Variants in NEGR1 observed in about 807,000 individuals in gnomAD.
NEGR1 encodes neuronal growth regulator 1.
A neutral mutation model predicts 40.9 loss-of-function variants in NEGR1; 10 were observed. The observed-to-expected ratio is 0.24, with a 90% CI of 0.15 to 0.42. The LOEUF (loss-of-function observed/expected upper bound fraction) is 0.42, where lower values mean the gene tolerates loss of function less well. Among genes scored for constraint, NEGR1 ranks in the 10% least tolerant of loss-of-function variants. The probability of loss-of-function intolerance (pLI) is 1.00; values close to 1 mark genes in which losing one functional copy is unlikely to be tolerated. For missense variants in NEGR1, 352 were observed against 438.9 expected, an observed-to-expected ratio of 0.80 and a Z score of 1.77; for synonymous variants, 185 against 166.8, an observed-to-expected ratio of 1.11 and a Z score of -0.84.
intron 6 of NEGR1, among the ~76,000 whole-genome samples, chr1:71,482,389 C>A (rs1377985201): frequency 2.0e-5 from 3 of 151,722 alleles, no homozygotes; most frequent in East Asian, 3.9e-4. Flanking sequence ...CAAAGTAGAA[C>A]AAACTGTTAG....
intron 6 of NEGR1, chr1:71,573,471 T>C (rs192979913): frequency 2.0e-5 from 3 of 152,436 alleles, no homozygotes; most frequent in Admixed American, 2.0e-4. Flanking sequence ...TTTACAAGTC[T>C]AACTACAGAG....
chr1:71,725,975 C>T (rs1427206774), intron 3 of NEGR1, among the ~76,000 whole-genome samples: 3 of 152,042 alleles, frequency 2.0e-5, no homozygotes, highest in Non-Finnish European at 4.4e-5. Context: ...AACAAAAATG[C>T]CATCCTCAAC....
At chr1:71,979,967 C>T (rs542856323) in intron 1 of NEGR1, among the ~76,000 whole-genome samples, 34 of 152,108 alleles carry the variant, frequency 2.2e-4, no homozygotes, top group African/African-American at 7.5e-4. Context: ...GATAGTGAAA[C>T]AAAACAAAAC....
chr1:72,032,032 A>ATT (rs1646862910), intron 1 of NEGR1, among the ~76,000 whole-genome samples: 1 of 152,198 alleles, frequency 6.6e-6, no homozygotes, highest in Non-Finnish European at 1.5e-5. Flanking sequence ...CGCTTACCCA[A>ATT]ACTCACAGAG....
At chr1:72,107,406 A>T (rs951537060) in intron 1 of NEGR1, among the ~76,000 whole-genome samples, 13 of 151,482 alleles carry the variant, frequency 8.6e-5, no homozygotes, top group Non-Finnish European at 1.8e-4. Flanking sequence ...AGATACATAA[A>T]TTTTTTTTCA....
chr1:71,659,304 A>G lies in NEGR1; in HGVS notation c.667+38704T>C, dbSNP rs186273793. 3.3e-5 allele frequency among the ~76,000 whole-genome samples: 5 copies of G among 152,270 alleles called. No homozygotes were observed. In the East Asian group the frequency reaches 5.8e-4, roughly 18 times the overall value. On this transcript the variant is annotated intron_variant, in intron 4 of 6. Coordinates refer to ENST00000357731, the MANE Select transcript of NEGR1 (RefSeq NM_173808.3). Reference sequence around the variant, plus strand: ...AACTCAGACCGCTCTTCAATAGCCAAATTGTGAGTACTGATGTTGAACTCC... The same window carrying G: ...AACTCAGACCGCTCTTCAATAGCCAGATTGTGAGTACTGATGTTGAACTCC...
At chr1:72,068,049 C>G (rs962718016) in intron 1 of NEGR1, among the ~76,000 whole-genome samples, 1 of 152,082 alleles carries the variant, frequency 6.6e-6, no homozygotes, top group Non-Finnish European at 1.5e-5. Flanking sequence ...AGTAGCTTCA[C>G]AAAATAAAAT....
chr1:72,217,523 G>C (rs1653862680), intron 1 of NEGR1, among the ~76,000 whole-genome samples: 1 of 151,560 alleles, frequency 6.6e-6, no homozygotes, highest in Non-Finnish European at 1.5e-5. Context: ...GTAGCAATGG[G>C]AAAAAACAGC....
At chr1:71,740,475 C>T (rs972674690) in intron 3 of NEGR1, among the ~76,000 whole-genome samples, 10 of 152,120 alleles carry the variant, frequency 6.6e-5, no homozygotes, top group Non-Finnish European at 1.0e-4. Context: ...ATTTTCCTAA[C>T]GAGACACTAT....
At chr1:71,476,709 A>G (rs1216834912) in intron 6 of NEGR1, among the ~76,000 whole-genome samples, 1 of 152,070 alleles carries the variant, frequency 6.6e-6, no homozygotes, top group Non-Finnish European at 1.5e-5. Context: ...CTCATCTGGC[A>G]ATACTCCAAG....
chr1:72,101,415 A>G (rs1226656933), intron 1 of NEGR1, among the ~76,000 whole-genome samples: 1 of 152,184 alleles, frequency 6.6e-6, no homozygotes, highest in Non-Finnish European at 1.5e-5. Context: ...ATATTGTTCA[A>G]TGGTAAATGT....
At chr1:72,101,603 GAA>G (rs1169395037) in intron 1 of NEGR1, among the ~76,000 whole-genome samples, 1 of 151,858 alleles carries the variant, frequency 6.6e-6, no homozygotes. Flanking sequence ...TTTATTTTCA[GAA>G]ACTCAGAAGA....
At chr1:72,097,762 A>C (rs1470615690) in intron 1 of NEGR1, among the ~76,000 whole-genome samples, 1 of 152,188 alleles carries the variant, frequency 6.6e-6, no homozygotes, top group East Asian at 1.9e-4. Flanking sequence ...AGTTTCTTGA[A>C]ATTAGACAAG....
chr1:71,618,217 C>G (rs191518326), intron 4 of NEGR1, among the ~76,000 whole-genome samples: 2 of 152,228 alleles, frequency 1.3e-5, no homozygotes, highest in Admixed American at 1.3e-4. Flanking sequence ...GCATTACTTC[C>G]TAATCACAAA....
At chr1:71,789,428 C>T (rs1657032884) in intron 2 of NEGR1, among the ~76,000 whole-genome samples, 1 of 152,082 alleles carries the variant, frequency 6.6e-6, no homozygotes, top group Non-Finnish European at 1.5e-5. Flanking sequence ...GTCTTTAACA[C>T]ATTCATTTAC....
intron 5 of NEGR1, among the ~76,000 whole-genome samples, chr1:71,601,403 A>T (rs929213760): frequency 4.6e-5 from 7 of 152,230 alleles, no homozygotes; most frequent in South Asian, 4.1e-4. Context: ...CATTTAAAAC[A>T]CTATGGAGAT....
At chr1:71,576,037 G>T (rs148398725) in intron 6 of NEGR1, among the ~76,000 whole-genome samples, 12 of 152,250 alleles carry the variant, frequency 7.9e-5, no homozygotes, top group African/African-American at 1.4e-4. Flanking sequence ...GTGCTTTCTT[G>T]ATATGTAGTC....
intron 1 of NEGR1, among the ~76,000 whole-genome samples, chr1:72,116,977 A>G (rs1044507110): frequency 6.6e-6 from 1 of 151,776 alleles, no homozygotes; most frequent in Non-Finnish European, 1.5e-5. Flanking sequence ...AATGTGTCTT[A>G]TCTGAGCTTA....
chr1:71,613,298 T>C (rs1432213044), intron 4 of NEGR1, among the ~76,000 whole-genome samples: 4 of 152,058 alleles, frequency 2.6e-5, no homozygotes, highest in Non-Finnish European at 5.9e-5. Flanking sequence ...TGATTTAATT[T>C]GGCTTGAGTA....
Sources: allele counts gnomAD v4.1 joint callset (sites outside exome capture counted in the v4.1 genomes callset), GRCh38; gene constraint gnomAD v4.1.1; transcripts MANE v1.5; gene names NCBI Gene and HGNC (gene_info 2026-07-23, HGNC 2026-07-21).